SPOCK3: variants seen among roughly 807,000 people sequenced by gnomAD.
SPOCK3 encodes testican-3.
In SPOCK3, 30 loss-of-function variants were observed where a neutral mutation model predicts 56.6. That is an observed-to-expected ratio of 0.53 (90% CI 0.40 to 0.72). The LOEUF is 0.72. Ranked by LOEUF, SPOCK3 falls within the 30% of genes least tolerant of loss-of-function variation. SPOCK3 has a pLI of 0.00. For synonymous variants in SPOCK3, 196 were observed against 183.3 expected, an observed-to-expected ratio of 1.07 and a Z score of -0.56; for missense variants, 527 against 530.0, an observed-to-expected ratio of 0.99 and a Z score of 0.06.
At chr4:166,941,902 A>G (rs545073846) in intron 4 of SPOCK3, among the ~76,000 whole-genome samples, 2 of 152,282 alleles carry the variant, frequency 1.3e-5, no homozygotes, top group African/African-American at 4.8e-5. Context: ...CAAAGCTTGA[A>G]GACAACTTCA....
chr4:166,779,165 G>A (rs572549678), intron 7 of SPOCK3, among the ~76,000 whole-genome samples: 13 of 152,060 alleles, frequency 8.5e-5, no homozygotes, highest in African/African-American at 2.7e-4. Flanking sequence ...AATCAATCAA[G>A]CAACACTCTC....
intron 4 of SPOCK3, among the ~76,000 whole-genome samples, chr4:166,961,621 C>T (rs1744156370): frequency 1.3e-5 from 2 of 151,734 alleles, no homozygotes; most frequent in South Asian, 2.1e-4. Context: ...TTCCTGAGGC[C>T]GGAATCAATT....
At chr4:166,915,437 T>C (rs1737740403) in intron 4 of SPOCK3, among the ~76,000 whole-genome samples, 1 of 152,168 alleles carries the variant, frequency 6.6e-6, no homozygotes, top group Non-Finnish European at 1.5e-5. Flanking sequence ...CTTAGAAAAA[T>C]TAGCCAAGTA....
chr4:167,153,935 C>T (rs546694010), intron 2 of SPOCK3, among the ~76,000 whole-genome samples: 2 of 151,734 alleles, frequency 1.3e-5, no homozygotes, highest in Non-Finnish European at 2.9e-5. Flanking sequence ...ACTGTCAGAG[C>T]CTTCCTTTCC....
Position 167,030,223 on chromosome 4 carries a change from T to G in SPOCK3, c.236-29760A>C, listed in dbSNP as rs183028067. ...AGGCAGAGAGTAATTATTTTTAGGT[T>G]TTCAATAAAATTATTTTAGTATACA... is the stretch of plus-strand genomic sequence containing the variant. On this transcript the variant is annotated intron_variant, in intron 3 of 10. Coordinates refer to ENST00000357545, the MANE Select transcript of SPOCK3 (RefSeq NM_001040159.2). 7.9e-5 allele frequency among the ~76,000 whole-genome samples: 12 copies of G among 152,142 alleles called. No individual in the cohort carries two copies. In the East Asian group the frequency reaches 2.3e-3, roughly 29 times the overall value.
chr4:167,218,218 G>A (rs760802703), intron 2 of SPOCK3, among the ~76,000 whole-genome samples: 12 of 152,094 alleles, frequency 7.9e-5, no homozygotes, highest in Non-Finnish European at 1.8e-4. Context: ...ACTGCCCTTA[G>A]CTAAAAAATA....
At chr4:166,738,724 G>GT (rs1180317897) in intron 9 of SPOCK3, among the ~76,000 whole-genome samples, 1 of 146,968 alleles carries the variant, frequency 6.8e-6, no homozygotes, top group Non-Finnish European at 1.5e-5. Flanking sequence ...GCGGTGTTTG[G>GT]TTTTTTGTCC....
chr4:166,815,229 C>A (rs17052635), intron 6 of SPOCK3, among the ~76,000 whole-genome samples: 8,933 of 151,564 alleles, frequency 0.059, 570 homozygotes, highest in African/African-American at 0.15. Flanking sequence ...GAATTTTCCC[C>A]ACATTATCAG....
chr4:167,141,294 A>G (rs754868662), intron 2 of SPOCK3, among the ~76,000 whole-genome samples: 1 of 152,014 alleles, frequency 6.6e-6, no homozygotes, highest in African/African-American at 2.4e-5. Context: ...ATTTTTCCAG[A>G]CGTCCTAGTG....
intron 6 of SPOCK3, among the ~76,000 whole-genome samples, chr4:166,840,356 T>C (rs1747107112): frequency 6.6e-6 from 1 of 152,214 alleles, no homozygotes; most frequent in Non-Finnish European, 1.5e-5. Context: ...TGGGTGAATA[T>C]CGTCTACATT....
At chr4:167,091,103 T>C (rs554826798) in intron 2 of SPOCK3, among the ~76,000 whole-genome samples, 2 of 152,302 alleles carry the variant, frequency 1.3e-5, no homozygotes, top group South Asian at 4.1e-4. Context: ...AGAAACATCA[T>C]AGTTTAAAGC....
At chr4:167,156,007 T>TA (rs532306765) in intron 2 of SPOCK3, among the ~76,000 whole-genome samples, 18 of 146,926 alleles carry the variant, frequency 1.2e-4, no homozygotes, top group Admixed American at 2.7e-4. Flanking sequence ...ATTTAAAAAG[T>TA]AAAAAAAAAA....
chr4:167,079,551 G>A (rs952580766), intron 2 of SPOCK3, among the ~76,000 whole-genome samples: 3 of 151,784 alleles, frequency 2.0e-5, no homozygotes, highest in Non-Finnish European at 4.4e-5. Context: ...GGAACATGGT[G>A]AAAAGGGCCA....
At chr4:167,012,577 C>G (rs969122883) in intron 3 of SPOCK3, among the ~76,000 whole-genome samples, 1 of 151,824 alleles carries the variant, frequency 6.6e-6, no homozygotes, top group African/African-American at 2.4e-5. Context: ...CTAAGTTGGA[C>G]AGTTATCATG....
chr4:167,049,593 A>C (rs527725849), intron 3 of SPOCK3, among the ~76,000 whole-genome samples: 1 of 152,298 alleles, frequency 6.6e-6, no homozygotes, highest in Admixed American at 6.5e-5. Context: ...TTGGTATAAA[A>C]TATTCATTAG....
At chr4:166,903,463 C>T (rs1736279099) in intron 5 of SPOCK3, among the ~76,000 whole-genome samples, 2 of 152,010 alleles carry the variant, frequency 1.3e-5, no homozygotes, top group South Asian at 4.2e-4. Context: ...ACTGGAAGGA[C>T]CTGTAGGTTA....
intron 4 of SPOCK3, among the ~76,000 whole-genome samples, chr4:166,933,061 G>T (rs1242808589): frequency 6.6e-6 from 1 of 152,022 alleles, no homozygotes; most frequent in East Asian, 1.9e-4. Flanking sequence ...TTTTTTTAAT[G>T]TGATTGCCAA....
intron 2 of SPOCK3, chr4:167,083,089 C>G: frequency 1.4e-6 from 1 of 717,908 alleles, no homozygotes; most frequent in Non-Finnish European, 2.5e-6. Flanking sequence ...TACCAAAGAG[C>G]CCCCCTCACA....
chr4:166,811,788 C>T (rs1020586081), intron 6 of SPOCK3, among the ~76,000 whole-genome samples: 2 of 151,790 alleles, frequency 1.3e-5, no homozygotes, highest in Admixed American at 1.3e-4. Context: ...ATTTTCAAAG[C>T]TATACTTTGT....
Sources: gnomAD v4.1 joint callset for allele counts (sites outside exome capture counted in the v4.1 genomes callset) on GRCh38, gnomAD v4.1.1 for gene constraint, MANE v1.5 for transcripts, NCBI Gene and HGNC (gene_info 2026-07-23, HGNC 2026-07-21) for gene names.